Variants in RBFOX1 observed in about 807,000 individuals in gnomAD.
RBFOX1 encodes RNA binding protein fox-1 homolog 1.
Under a neutral mutation model 57.7 loss-of-function variants are expected in RBFOX1, and 8 were observed. The observed-to-expected ratio is 0.14, with a 90% CI of 0.08 to 0.25. The LOEUF (loss-of-function observed/expected upper bound fraction) is 0.25, where lower values mean the gene tolerates loss of function less well. Among genes scored for constraint, RBFOX1 ranks in the 10% least tolerant of loss-of-function variants. The pLI is 1.00. For missense variants in RBFOX1, 611 were observed against 548.5 expected (o/e 1.11, Z -1.14); for synonymous variants, 326 against 222.4 (o/e 1.47, Z -4.15).
At position 5,653,776 on chromosome 16, in the gene RBFOX1, C is replaced by T. The variant is rs900294205; in HGVS notation, c.318+54815C>T. ...AGGGGTGGGGTGGCTCAAGCCCAGC[C>T]GGTTTACCTGCAGCCACTGAGTCCA... On this transcript the variant is annotated intron_variant, in intron 3 of 19. Coordinates refer to the RBFOX1 transcript ENST00000641259. 8.5e-5 allele frequency among the ~76,000 whole-genome samples: 13 copies of T among 152,264 alleles called. No individual in the cohort carries two copies. The South Asian group carries it at 1.0e-3, about 12-fold the overall frequency.
chr16:7,495,130 T>G (rs1328826744), intron 4 of RBFOX1, among the ~76,000 whole-genome samples: 1 of 152,216 alleles, frequency 6.6e-6, no homozygotes, highest in South Asian at 2.1e-4. Context: ...GCATCCATGT[T>G]GCTGCAAAGA....
intron 2 of RBFOX1, among the ~76,000 whole-genome samples, chr16:6,532,321 C>G: frequency 6.6e-6 from 1 of 152,140 alleles, no homozygotes; most frequent in East Asian, 1.9e-4. Context: ...AGCAAGTGAT[C>G]TCCATTCCCT....
At chr16:5,586,225 G>T (rs1372655449) in intron 2 of RBFOX1, among the ~76,000 whole-genome samples, 1 of 152,034 alleles carries the variant, frequency 6.6e-6, no homozygotes, top group Non-Finnish European at 1.5e-5. Context: ...CCCACACCTT[G>T]GTTTCAGACT....
At chr16:5,944,052 T>G (rs368805021) in intron 4 of RBFOX1, among the ~76,000 whole-genome samples, 7 of 150,282 alleles carry the variant, frequency 4.7e-5, no homozygotes, top group African/African-American at 1.5e-4. Context: ...CATCAATCCA[T>G]CCATCCATCC....
intron 1 of RBFOX1, among the ~76,000 whole-genome samples, chr16:6,223,060 A>T (rs1356724072): frequency 6.7e-6 from 1 of 149,368 alleles, no homozygotes; most frequent in Non-Finnish European, 1.5e-5. Context: ...ATAGTATTCC[A>T]TGGTGTATAT....
chr16:5,383,299 G>C (rs371216580), intron 1 of RBFOX1, among the ~76,000 whole-genome samples: 2 of 152,170 alleles, frequency 1.3e-5, no homozygotes, highest in East Asian at 1.9e-4. Context: ...GGTGGGCTGT[G>C]GGTCTGCCAG....
intron 1 of RBFOX1, among the ~76,000 whole-genome samples, chr16:5,386,245 C>G (rs1438099453): frequency 6.6e-6 from 1 of 151,810 alleles, no homozygotes; most frequent in African/African-American, 2.4e-5. Flanking sequence ...TAGAACTGGG[C>G]TTGAGAAGGC....
At chr16:6,338,276 T>C (rs940900838) in intron 2 of RBFOX1, among the ~76,000 whole-genome samples, 1 of 152,180 alleles carries the variant, frequency 6.6e-6, no homozygotes, top group Non-Finnish European at 1.5e-5. Flanking sequence ...AATTATAAGC[T>C]TTTGAAGGGA....
At chr16:5,693,661 C>A (rs905795925) in intron 3 of RBFOX1, among the ~76,000 whole-genome samples, 1 of 152,104 alleles carries the variant, frequency 6.6e-6, no homozygotes, top group Non-Finnish European at 1.5e-5. Flanking sequence ...AATCTTGGTT[C>A]CAGAACTTTT....
intron 2 of RBFOX1, among the ~76,000 whole-genome samples, chr16:5,497,638 A>AAAAAAAAAAAAAAAAT (rs71142625): frequency 1.1e-3 from 150 of 139,416 alleles, no homozygotes; most frequent in African/African-American, 4.2e-3. Context: ...AAAAAAAAAA[A>AAAAAAAAAAAAAAAAT]GCTGGGCATG....
intron 4 of RBFOX1, among the ~76,000 whole-genome samples, chr16:6,000,664 G>C (rs1185915002): frequency 1.3e-5 from 2 of 151,954 alleles, no homozygotes; most frequent in Non-Finnish European, 2.9e-5. Context: ...TAGGTGGATG[G>C]GTAGATGAAT....
intron 1 of RBFOX1, among the ~76,000 whole-genome samples, chr16:6,025,135 A>G (rs1440043536): frequency 6.6e-6 from 1 of 152,200 alleles, no homozygotes; most frequent in Admixed American, 6.5e-5. Context: ...TTATGGGAAA[A>G]TTGTTAGGTG....
At chr16:7,289,923 T>A (rs905998159) in intron 4 of RBFOX1, among the ~76,000 whole-genome samples, 1 of 152,174 alleles carries the variant, frequency 6.6e-6, no homozygotes, top group African/African-American at 2.4e-5. Context: ...CTAGTCCTTA[T>A]CATCCATTTC....
chr16:6,306,679 C>T (rs767188267), intron 1 of RBFOX1, among the ~76,000 whole-genome samples: 5 of 152,302 alleles, frequency 3.3e-5, no homozygotes, highest in Admixed American at 6.5e-5. Flanking sequence ...GCATTTTCAT[C>T]TCCCAAACAA....
At chr16:7,210,108 G>T (rs2090827337) in intron 4 of RBFOX1, among the ~76,000 whole-genome samples, 1 of 152,180 alleles carries the variant, frequency 6.6e-6, no homozygotes, top group South Asian at 2.1e-4. Flanking sequence ...TGCATTGCTT[G>T]TCAACCTGCC....
chr16:6,794,965 C>T (rs945707213), intron 3 of RBFOX1, among the ~76,000 whole-genome samples: 3 of 152,078 alleles, frequency 2.0e-5, no homozygotes, highest in African/African-American at 4.8e-5. Context: ...CCTAAATCAC[C>T]AGTTTTTAAA....
intron 14 of RBFOX1, among the ~76,000 whole-genome samples, chr16:7,705,419 G>C (rs970455995): frequency 6.6e-6 from 1 of 151,962 alleles, no homozygotes; most frequent in Non-Finnish European, 1.5e-5. Context: ...GCAGGAGAAT[G>C]GCATGAACTT....
intron 2 of RBFOX1, among the ~76,000 whole-genome samples, chr16:5,590,069 ACAC>A (rs768859822): frequency 6.6e-6 from 1 of 151,428 alleles, no homozygotes; most frequent in Non-Finnish European, 1.5e-5. Flanking sequence ...ACACACACAC[ACAC>A]ACACAAAAAG....
chr16:7,435,701 T>A (rs1031240839), intron 4 of RBFOX1, among the ~76,000 whole-genome samples: 1 of 152,210 alleles, frequency 6.6e-6, no homozygotes, highest in Non-Finnish European at 1.5e-5. Flanking sequence ...TATTTAGCTG[T>A]AGGTTTTGGC....
Sources: allele counts gnomAD v4.1 joint callset (sites outside exome capture counted in the v4.1 genomes callset), GRCh38; gene constraint gnomAD v4.1.1; transcripts MANE v1.5; gene names NCBI Gene and HGNC (gene_info 2026-07-23, HGNC 2026-07-21).